The following QKI variants were observed in gnomAD, a reference collection of about 807,000 sequenced individuals.
QKI encodes the protein QKI, KH domain containing RNA binding.
In QKI, 10 loss-of-function variants were observed where a neutral mutation model predicts 39.0. The ratio of observed to expected loss-of-function variants is 0.26; its 90% CI spans 0.16 to 0.43. The LOEUF is 0.43. Among genes scored for constraint, QKI ranks in the 20% least tolerant of loss-of-function variants. The pLI is 1.00. For missense variants in QKI, 218 were observed against 428.0 expected, an observed-to-expected ratio of 0.51 and a Z score of 4.33; for synonymous variants, 204 against 155.4, an observed-to-expected ratio of 1.31 and a Z score of -2.33.
chr6:163,467,678 G>C (rs1212419445), intron 2 of QKI, among the ~76,000 whole-genome samples: 1 of 152,148 alleles, frequency 6.6e-6, no homozygotes, highest in Non-Finnish European at 1.5e-5. Flanking sequence ...TATTTCTCCA[G>C]GAGATGTATT....
intron 4 of QKI, among the ~76,000 whole-genome samples, chr6:163,559,818 A>G (rs536466132): frequency 3.9e-5 from 6 of 152,354 alleles, no homozygotes; most frequent in African/African-American, 1.4e-4. Context: ...AGAAAGGAGC[A>G]CTGAGAAGCC....
chr6:163,417,580 A>G (rs1472029561), intron 1 of QKI, among the ~76,000 whole-genome samples: 2 of 152,278 alleles, frequency 1.3e-5, no homozygotes, highest in East Asian at 3.9e-4. Flanking sequence ...CAAATCCAGA[A>G]ATTTCAATTA....
chr6:163,521,648 G>A (rs1388284657), intron 3 of QKI, among the ~76,000 whole-genome samples: 1 of 151,960 alleles, frequency 6.6e-6, no homozygotes, highest in African/African-American at 2.4e-5. Flanking sequence ...TCAGCCTCCC[G>A]GGTAGCTGGG....
chr6:163,431,997 G>T (rs1226350701), intron 1 of QKI, among the ~76,000 whole-genome samples: 1 of 151,998 alleles, frequency 6.6e-6, no homozygotes, highest in African/African-American at 2.4e-5. Context: ...AGATCATTTG[G>T]CTCTTGGGAC....
chr6:163,566,805 G>A lies in QKI; in HGVS notation c.1009+10G>A, dbSNP rs771699235. ...GTGACCGCAGACCGAGGTTAGTTTA[G>A]TTCTGCAGTTCTTGTCTATAAGAAA... On this transcript the variant is annotated intron_variant, in intron 7 of 7. Coordinates refer to ENST00000361752, the MANE Select transcript of QKI (RefSeq NM_006775.3). The A allele has an allele frequency of 2.5e-6, 4 of 1,613,124 alleles. No individual in the cohort carries two copies. The Admixed American group carries it at 5.0e-5, about 20-fold the overall frequency.
intron 6 of QKI, chr6:163,565,721 C>T: frequency 2.5e-6 from 3 of 1,211,176 alleles, no homozygotes; most frequent in Non-Finnish European, 2.1e-6. Flanking sequence ...TGATATTGAC[C>T]ACTTGGAGAA....
chr6:163,536,135 A>G (rs1034900475), intron 4 of QKI, among the ~76,000 whole-genome samples: 1 of 152,196 alleles, frequency 6.6e-6, no homozygotes. Context: ...CCTTGGAATA[A>G]AAGAGTTTTA....
chr6:163,493,761 C>T (rs1462063255), intron 3 of QKI, among the ~76,000 whole-genome samples: 1 of 152,152 alleles, frequency 6.6e-6, no homozygotes, highest in Non-Finnish European at 1.5e-5. Context: ...TGCCTTTCAA[C>T]TTCACTGTTT....
chr6:163,455,134 C>A, intron 1 of QKI, 145 bp from the exon 2 acceptor site: 2 of 567,136 alleles, frequency 3.5e-6, no homozygotes, highest in Non-Finnish European at 5.8e-6. Flanking sequence ...GGGCTTAATC[C>A]AGAGAATGAT....
chr6:163,436,443 G>C lies in QKI; in HGVS notation c.143-18836G>C, dbSNP rs549074859. On this transcript the variant is annotated intron_variant, in intron 1 of 7. Transcript: ENST00000361752. ...TATGAGAGCTTAATATTTTGATGGA[G>C]AAAGCAAGAAAAACGTTTTACAAAT... Among the ~76,000 whole-genome samples the C allele has an allele frequency of 7.2e-5, 11 of 152,186 alleles. No individual in the cohort carries two copies. In the South Asian group the frequency reaches 2.3e-3, roughly 31 times the overall value.
chr6:163,514,655 A>G (rs928322008), intron 3 of QKI, among the ~76,000 whole-genome samples: 3 of 152,190 alleles, frequency 2.0e-5, no homozygotes, highest in South Asian at 4.1e-4. Context: ...GTATTGTGGA[A>G]AGAAAGAGGT....
chr6:163,527,584 A>G (rs1361592771), intron 3 of QKI, among the ~76,000 whole-genome samples: 2 of 152,176 alleles, frequency 1.3e-5, no homozygotes, highest in African/African-American at 4.8e-5. Flanking sequence ...GCTTCATGTT[A>G]TAGAATCCCT....
chr6:163,564,669 T>G, intron 6 of QKI: 1 of 1,613,898 alleles, frequency 6.2e-7, no homozygotes. Flanking sequence ...TTTTATAGAG[T>G]GGATTGAAAT....
At chr6:163,558,678 C>T (rs891126302) in intron 4 of QKI, among the ~76,000 whole-genome samples, 6 of 152,076 alleles carry the variant, frequency 3.9e-5, no homozygotes, top group East Asian at 1.9e-4. Context: ...GGATTACAGG[C>T]GTGAGCCACC....
At chr6:163,457,785 A>G in intron 2 of QKI, among the ~76,000 whole-genome samples, 1 of 152,050 alleles carries the variant, frequency 6.6e-6, no homozygotes, top group South Asian at 2.1e-4. Context: ...GGTCTTGTGG[A>G]GTGGACATTT....
At chr6:163,450,259 T>C (rs1390271624) in intron 1 of QKI, among the ~76,000 whole-genome samples, 3 of 152,266 alleles carry the variant, frequency 2.0e-5, no homozygotes, top group East Asian at 1.9e-4. Flanking sequence ...GGTTTTGCCA[T>C]GTTGGCCAGG....
chr6:163,463,792 G>A (rs1791518551), intron 2 of QKI, among the ~76,000 whole-genome samples: 2 of 152,298 alleles, frequency 1.3e-5, no homozygotes, highest in South Asian at 4.1e-4. Context: ...ATTTGTGAGA[G>A]TATGAGATCC....
intron 3 of QKI, among the ~76,000 whole-genome samples, chr6:163,480,073 A>G (rs1207025650): frequency 3.9e-5 from 6 of 152,202 alleles, no homozygotes; most frequent in Non-Finnish European, 7.3e-5. Flanking sequence ...AGACCCAACT[A>G]TCTAAATATT....
At chr6:163,448,921 T>G (rs1790349762) in intron 1 of QKI, among the ~76,000 whole-genome samples, 1 of 152,178 alleles carries the variant, frequency 6.6e-6, no homozygotes, top group African/African-American at 2.4e-5. Context: ...TAAAGTTTAT[T>G]TCTTTTTACA....
Sources: gnomAD v4.1 joint callset for allele counts (sites outside exome capture counted in the v4.1 genomes callset) on GRCh38, gnomAD v4.1.1 for gene constraint, MANE v1.5 for transcripts, NCBI Gene and HGNC (gene_info 2026-07-23, HGNC 2026-07-21) for gene names.